The following ARMC3 variants were observed in gnomAD, a reference collection of about 807,000 sequenced individuals.
ARMC3 encodes armadillo repeat containing 3, also known as armadillo repeat-containing protein 3.
Under a neutral mutation model 90.3 loss-of-function variants are expected in ARMC3, and 74 were observed. The ratio of observed to expected loss-of-function variants is 0.82; its 90% confidence interval spans 0.68 to 0.99. The LOEUF is 0.99. ARMC3 is among the 50% of genes least tolerant of loss of function. The probability of loss-of-function intolerance (pLI) is 0.00; values close to 1 mark genes in which losing one functional copy is unlikely to be tolerated. For synonymous variants in ARMC3, 334 were observed against 361.8 expected (o/e 0.92, Z 0.87); for missense variants, 958 against 1,042.8 (o/e 0.92, Z 1.12).
intron 16 of ARMC3, among the ~76,000 whole-genome samples, chr10:23,027,888 C>T (rs193209436): frequency 9.2e-5 from 14 of 152,122 alleles, no homozygotes; most frequent in Admixed American, 8.5e-4. Context: ...AACCTGTAAT[C>T]GCAGCATTTT....
At chr10:22,993,757 G>C (rs978520152) in intron 10 of ARMC3, among the ~76,000 whole-genome samples, 2 of 152,336 alleles carry the variant, frequency 1.3e-5, no homozygotes, top group Non-Finnish European at 2.9e-5. Flanking sequence ...TAAGCAGAGA[G>C]TGAAGAATGA....
intron 16 of ARMC3, among the ~76,000 whole-genome samples, chr10:23,026,530 A>T (rs145047911): frequency 1.3e-5 from 2 of 152,138 alleles, no homozygotes; most frequent in African/African-American, 4.8e-5. Context: ...AAAATTCAAC[A>T]TCTACTTATG....
At chr10:22,939,021 C>G (rs2131153800) in intron 2 of ARMC3, among the ~76,000 whole-genome samples, 1 of 152,130 alleles carries the variant, frequency 6.6e-6, no homozygotes. Context: ...TTAGTGAGAA[C>G]TATTTTGGTA....
In ARMC3 at chr10:22,968,391, CA is replaced by C. The variant is rs1835537080; in HGVS notation, c.819del (p.Gly275ValfsTer48). 1.2e-6 allele frequency: 2 copies of C among 1,613,728 alleles called. No homozygotes were observed. The highest frequency in any genetic ancestry group is 2.2e-5 in the South Asian group (2 of 91,034). On this transcript the variant is annotated frameshift_variant, in exon 8 of 19. Coordinates refer to ENST00000298032, the MANE Select transcript of ARMC3 (RefSeq NM_173081.5). LOFTEE classifies it high-confidence loss of function. ...GATACTATGGTGCAGATTCAGCAGA[CA>C]GGGGGTCTTAAAAAGCTCCTGTCAT... ...DMDTMVQIQQTGGLKKLLSFA... is the reference protein window; with the variant it reads ...DMDTMVQIQQXGGLKKLLSFA...
chr10:23,031,590 G>A (rs1265612997), intron 17 of ARMC3, among the ~76,000 whole-genome samples: 1 of 152,206 alleles, frequency 6.6e-6, no homozygotes, highest in East Asian at 1.9e-4. Context: ...GCCAGAACTG[G>A]AAGAGAACAT....
chr10:22,986,349 C>T (rs563333233), intron 10 of ARMC3, among the ~76,000 whole-genome samples: 11 of 151,958 alleles, frequency 7.2e-5, no homozygotes, highest in Non-Finnish European at 8.8e-5. Flanking sequence ...GTCAGGGGTT[C>T]GAGACCAGCA....
chr10:22,973,776 T>TTTTTTC (rs1835789047), intron 8 of ARMC3, among the ~76,000 whole-genome samples: 1 of 144,456 alleles, frequency 6.9e-6, no homozygotes, highest in Non-Finnish European at 1.5e-5. Flanking sequence ...TTTTTTTTTT[T>TTTTTTC]GAGACAGAAT....
chr10:23,020,613 G>A (rs1201123542), intron 16 of ARMC3, among the ~76,000 whole-genome samples: 2 of 152,172 alleles, frequency 1.3e-5, no homozygotes, highest in African/African-American at 4.8e-5. Flanking sequence ...ACTTGGGATT[G>A]TTAGTATTTA....
At chr10:22,971,278 T>C (rs1835672084) in intron 8 of ARMC3, among the ~76,000 whole-genome samples, 1 of 152,160 alleles carries the variant, frequency 6.6e-6, no homozygotes, top group Admixed American at 6.5e-5. Flanking sequence ...TGTTTATCCT[T>C]TCAACCATGG....
chr10:22,958,310 TAATC>T (rs1219068515), intron 4 of ARMC3, among the ~76,000 whole-genome samples: 1 of 152,210 alleles, frequency 6.6e-6, no homozygotes, highest in Non-Finnish European at 1.5e-5. Context: ...GCATTTCTAA[TAATC>T]AAATTGAATG....
At chr10:23,014,638 A>G (rs1485380726) in intron 16 of ARMC3, 2 of 448,038 alleles carry the variant, frequency 4.5e-6, no homozygotes, top group African/African-American at 4.3e-5. Context: ...GAGTGAGATC[A>G]TGTTCTTTGC....
intron 16 of ARMC3, among the ~76,000 whole-genome samples, chr10:23,015,827 T>C (rs1307257280): frequency 7.9e-5 from 12 of 152,248 alleles, no homozygotes; most frequent in Non-Finnish European, 1.8e-4. Flanking sequence ...CTTAGTCACA[T>C]GTAAACACCT....
intron 16 of ARMC3, among the ~76,000 whole-genome samples, chr10:23,030,165 A>T (rs949632273): frequency 5.3e-5 from 8 of 152,148 alleles, no homozygotes; most frequent in African/African-American, 1.7e-4. Context: ...AAATTCTCCA[A>T]TTGTCATTGA....
intron 2 of ARMC3, among the ~76,000 whole-genome samples, chr10:22,944,757 A>G (rs1048938140): frequency 6.6e-6 from 1 of 152,066 alleles, no homozygotes; most frequent in Non-Finnish European, 1.5e-5. Context: ...CTCCCTTAAG[A>G]TTTCTGTGGA....
chr10:22,975,263 A>G (rs1209675961), intron 8 of ARMC3, among the ~76,000 whole-genome samples: 3 of 152,132 alleles, frequency 2.0e-5, no homozygotes, highest in Non-Finnish European at 2.9e-5. Context: ...TTAAATATCT[A>G]TGGAAGTGAT....
intron 16 of ARMC3, among the ~76,000 whole-genome samples, chr10:23,014,974 T>TA (rs1004944956): frequency 1.1e-4 from 16 of 146,408 alleles, no homozygotes; most frequent in Non-Finnish European, 2.0e-4. Context: ...AAATAAAAGT[T>TA]AAAAAAAAAT....
intron 16 of ARMC3, among the ~76,000 whole-genome samples, chr10:23,010,077 G>A (rs1450897748): frequency 1.3e-5 from 2 of 151,858 alleles, no homozygotes; most frequent in Non-Finnish European, 1.5e-5. Flanking sequence ...TCTCATCACT[G>A]CTACTCATCC....
chr10:22,980,794 GA>G lies in ARMC3; in HGVS notation c.917-539del, dbSNP rs374242326. Among the ~76,000 whole-genome samples, 579 of 152,084 alleles carry G rather than the reference GA, an allele frequency of 3.8e-3. 9 individuals carry two copies. Among genetic ancestry groups the G allele is most frequent in the African/African-American group, 0.011 (466 of 41,518 alleles). The stretch of plus-strand genomic sequence containing the variant: ...TACTTAAGTATGTATTGTCATTTGA[GA>G]AAAAAATGATTATATTTTGATATAA... On this transcript the variant is annotated intron_variant, in intron 8 of 18. Transcript: ENST00000298032.
chr10:23,017,567 C>G (rs12269406), intron 16 of ARMC3, among the ~76,000 whole-genome samples: 3,365 of 152,278 alleles, frequency 0.022, 125 homozygotes, highest in African/African-American at 0.077. Flanking sequence ...GAGTTTGAGA[C>G]CAGTCTGACC....
Sources: gnomAD v4.1 joint callset for allele counts (sites outside exome capture counted in the v4.1 genomes callset) on GRCh38, gnomAD v4.1.1 for gene constraint, MANE v1.5 for transcripts, NCBI Gene and HGNC (gene_info 2026-07-23, HGNC 2026-07-21) for gene names.